The following NOXA1 variants were observed in gnomAD, a reference collection of about 807,000 sequenced individuals.
The protein encoded by NOXA1 is NADPH oxidase activator 1, also known as NCF2-like protein.
NOXA1 carries 56 observed loss-of-function variants against 64.8 expected under a neutral mutation model. The observed-to-expected ratio is 0.86, with a 90% CI of 0.70 to 1.08. The LOEUF is 1.08. NOXA1 is among the 50% of genes least tolerant of loss of function. The probability of loss-of-function intolerance (pLI) is 0.00; values close to 1 mark genes in which losing one functional copy is unlikely to be tolerated. For synonymous variants in NOXA1, 295 were observed against 294.8 expected (o/e 1.00, Z -0.01); for missense variants, 668 against 658.5 (o/e 1.01, Z -0.16).
chr9:137,432,919 G>A, intron 8 of NOXA1, 110 bp from the exon 9 acceptor site: 2 of 1,211,348 alleles, frequency 1.7e-6, no homozygotes, highest in Admixed American at 4.0e-5. Context: ...ACCACCTGCT[G>A]GGTGCTGGCC....
At chr9:137,432,965 G>A (rs759156220) in intron 8 of NOXA1, 64 bp from the exon 9 acceptor site, 126 of 1,576,756 alleles carry the variant, frequency 8.0e-5, no homozygotes, top group Non-Finnish European at 1.0e-4. Context: ...TGGGCTCTGC[G>A]AGGACAGTAC....
intron 1 of NOXA1, among the ~76,000 whole-genome samples, 178 bp downstream of exon 1, chr9:137,423,884 G>C (rs937582969): frequency 2.0e-5 from 3 of 152,114 alleles, no homozygotes; most frequent in African/African-American, 4.8e-5. Context: ...GGCCGCGCTG[G>C]GGGGCGCGGC....
intron 5 of NOXA1, among the ~76,000 whole-genome samples, chr9:137,430,473 G>C (rs952041112): frequency 1.1e-4 from 17 of 152,376 alleles, no homozygotes; most frequent in East Asian, 9.6e-4. Context: ...GGGGAGGCCT[G>C]GGGTGGGCGA....
chr9:137,431,421 A>G lies in NOXA1; in HGVS notation c.804+80A>G. 8.4e-7 allele frequency: 1 copy of G among 1,187,174 alleles called. No individual in the cohort carries two copies. Among genetic ancestry groups the G allele is most frequent in the South Asian group, 1.3e-5 (1 of 79,540 alleles). 73.5% of individuals were successfully genotyped at this position (1,187,174 alleles called of 1,614,324 possible). ...GCAGACTGGGGACCACAATGGGACC[A>G]ACATGAGGGTGGAGGGAGCAGCTCG... On this transcript the variant is annotated intron_variant, in intron 8 of 13. Coordinates refer to ENST00000683555, the MANE Select transcript of NOXA1 (RefSeq NM_001256067.2). This position sits in a 1 kb window ranked among gnomAD's most constrained non-coding sequence, Gnocchi z 5.6.
intron 12 of NOXA1, 44 bp from the exon 13 acceptor site, chr9:137,433,921 C>A: frequency 1.3e-6 from 2 of 1,508,156 alleles, no homozygotes; most frequent in East Asian, 2.5e-5. Flanking sequence ...GAGGCCCCTC[C>A]TCCCAGTGCC....
rs778112469 is a variant in NOXA1 at position 137,423,481 on chromosome 9, G to C, written c.-49G>C. On this transcript the variant is annotated 5_prime_UTR_variant, in exon 1 of 14. Transcript: ENST00000683555. ...GCGCCGCCGCCTGGCCCCGGCCCCG[G>C]CCCCTCCGCGGGATCCTGGCCCCTC... 2 of 1,192,638 alleles carry C rather than the reference G, an allele frequency of 1.7e-6. No homozygotes were observed. Among genetic ancestry groups the C allele is most frequent in the African/African-American group, 3.2e-5 (2 of 62,336 alleles). The allele number at this position is 1,192,638 out of a possible 1,614,324, so 73.9% of individuals were successfully genotyped here.
At chr9:137,428,637 GAC>G (rs767364085) in intron 3 of NOXA1, among the ~76,000 whole-genome samples, 12 of 146,692 alleles carry the variant, frequency 8.2e-5, no homozygotes, top group Non-Finnish European at 1.4e-4. Flanking sequence ...GCCAGCCCAG[GAC>G]ACAGAACGGT....
chr9:137,433,344 C>T, intron 10 of NOXA1, 81 bp downstream of exon 10: 2 of 1,488,636 alleles, frequency 1.3e-6, no homozygotes, highest in Non-Finnish European at 9.0e-7. Context: ...TCAAGGCTTG[C>T]AAGCCCCCCT....
At chr9:137,429,110 A>G in intron 4 of NOXA1, 94 bp downstream of exon 4, 4 of 1,408,428 alleles carry the variant, frequency 2.8e-6, no homozygotes, top group Non-Finnish European at 3.8e-6. Flanking sequence ...CCGGAGGGAG[A>G]TGGCCCTAGT....
chr9:137,426,402 C>A, intron 2 of NOXA1, 72 bp downstream of exon 2: 1 of 1,205,526 alleles, frequency 8.3e-7, no homozygotes, highest in Non-Finnish European at 1.2e-6. Context: ...CCTGCACCTC[C>A]TCCTCCTCCC....
intron 2 of NOXA1, among the ~76,000 whole-genome samples, chr9:137,427,025 G>C (rs1838870294): frequency 6.6e-6 from 1 of 152,152 alleles, no homozygotes; most frequent in African/African-American, 2.4e-5. Flanking sequence ...TCGAACTCCT[G>C]ACCTCAGGTG....
rs751531466 is a variant in NOXA1 at position 137,433,214 on chromosome 9, C to T, written c.860C>T (p.Ala287Val). 5 of 1,606,852 alleles carry T rather than the reference C, an allele frequency of 3.1e-6. No individual in the cohort carries two copies. Among genetic ancestry groups the T allele is most frequent in the Non-Finnish European group, 4.2e-6 (5 of 1,177,440 alleles). Residue 287 changes from alanine to valine, a missense_variant, in exon 10 of 14, where the codon GCA becomes GTA. Transcript: ENST00000683555. ...KQAPLSPGLP[A>V]MGGPGPGPCE... ...TTGCTCTGTCCTACAGGGCTGCCGG[C>T]AATGGGGGGGCCTGGCCCCGGCCCC...
chr9:137,430,632 C>T (rs1326647896), intron 5 of NOXA1, 152 bp from the exon 6 acceptor site: 2 of 595,190 alleles, frequency 3.4e-6, no homozygotes, highest in African/African-American at 1.9e-5. Flanking sequence ...ACATTTCCCT[C>T]CATGGTGGTC....
At position 137,429,097 on chromosome 9, in the gene NOXA1, C is replaced by T. The variant is rs1214950166; in HGVS notation, c.504+81C>T. 6 of 1,444,376 alleles carry T rather than the reference C, an allele frequency of 4.2e-6. No individual in the cohort carries two copies. In the African/African-American group the frequency reaches 7.2e-5, roughly 17 times the overall value. The allele number at this position is 1,444,376 out of a possible 1,614,324, so 89.5% of individuals were successfully genotyped here. Reference sequence around the variant, plus strand: ...AGACCAATTTCATGAGATGAAGAAGCTTCCGGAGGGAGATGGCCCTAGTGC... The same window carrying T: ...AGACCAATTTCATGAGATGAAGAAGTTTCCGGAGGGAGATGGCCCTAGTGC... On this transcript the variant is annotated intron_variant, in intron 4 of 13. Coordinates refer to ENST00000683555, the MANE Select transcript of NOXA1 (RefSeq NM_001256067.2).
chr9:137,427,221 G>A (rs1200857002), intron 2 of NOXA1, among the ~76,000 whole-genome samples: 2 of 152,174 alleles, frequency 1.3e-5, no homozygotes, highest in African/African-American at 2.4e-5. Context: ...GCACGCTAGC[G>A]ACAGGCTCAC....
At position 137,431,192 on chromosome 9, in the gene NOXA1, G is replaced by C; in HGVS notation, c.699-44G>C. ...GGCCACGCGGGCCGGGCACAGGAGG[G>C]CAGTCAGATGGGCAGGGCCTGAGAG... On this transcript the variant is annotated intron_variant, in intron 7 of 13. Transcript: ENST00000683555. This position sits in a 1 kb window ranked among gnomAD's most constrained non-coding sequence, Gnocchi z 5.6. 6.2e-7 allele frequency: 1 copy of C among 1,609,266 alleles called. No individual in the cohort carries two copies. Among genetic ancestry groups the C allele is most frequent in the Middle Eastern group, 1.7e-4 (1 of 6,052 alleles).
rs530143419 is a variant in NOXA1, at chr9:137,431,132, G to A, written c.698+32G>A. 50 of 1,612,832 alleles carry A rather than the reference G, an allele frequency of 3.1e-5. No individual in the cohort carries two copies. Among genetic ancestry groups the A allele is most frequent in the East Asian group, 2.7e-4 (12 of 44,848 alleles). On this transcript the variant is annotated intron_variant, in intron 7 of 13. Coordinates refer to ENST00000683555, the MANE Select transcript of NOXA1 (RefSeq NM_001256067.2). The surrounding 1 kb of genome is among the most constrained non-coding windows in gnomAD (Gnocchi z 5.6). ...GGGGCTGACTGGGCCCTGCGAGCGC[G>A]TGCCTTTCCTGCTGGGCAGAGGCCC...
intron 10 of NOXA1, 92 bp from the exon 11 acceptor site, chr9:137,433,361 C>T (rs1006154169): frequency 2.7e-6 from 4 of 1,494,742 alleles, no homozygotes; most frequent in African/African-American, 2.8e-5. Context: ...CCCTCACCTG[C>T]CCAGTCTCTG....
At position 137,431,669 on chromosome 9, in the gene NOXA1, G is replaced by A. The variant is rs904241624; in HGVS notation, c.804+328G>A. On this transcript the variant is annotated intron_variant, in intron 8 of 13. Transcript: ENST00000683555. The surrounding 1 kb of genome is among the most constrained non-coding windows in gnomAD (Gnocchi z 5.6). Reference sequence around the variant, plus strand: ...CCCACTGGGGTGCGAGTGACCAGGAGTGACCCAGCTGGGGACAGGCGGGAG... The same window carrying A: ...CCCACTGGGGTGCGAGTGACCAGGAATGACCCAGCTGGGGACAGGCGGGAG... 1.3e-5 allele frequency among the ~76,000 whole-genome samples: 2 copies of A among 152,178 alleles called. No homozygotes were observed. The highest frequency in any genetic ancestry group is 6.5e-5 in the Admixed American group (1 of 15,286).
Sources: gnomAD v4.1 joint callset for allele counts (sites outside exome capture counted in the v4.1 genomes callset) on GRCh38, gnomAD v4.1.1 for gene constraint, Gnocchi (gnomAD v3.1) non-coding constraint, MANE v1.5 for transcripts, NCBI Gene and HGNC (gene_info 2026-07-23, HGNC 2026-07-21) for gene names.